NELL2: variants seen among roughly 807,000 people sequenced by gnomAD.
NELL2 encodes the protein protein kinase C-binding protein NELL2.
Under a neutral mutation model 109.6 loss-of-function variants are expected in NELL2, and 41 were observed. The ratio of observed to expected loss-of-function variants is 0.37; its 90% CI spans 0.29 to 0.49. The LOEUF is 0.49. Ranked by LOEUF, NELL2 falls within the 20% of genes least tolerant of loss-of-function variation. The pLI is 0.98. For missense variants in NELL2, 900 were observed against 1,008.3 expected (o/e 0.89, Z 1.45); for synonymous variants, 355 against 344.7 (o/e 1.03, Z -0.33).
intron 16 of NELL2, among the ~76,000 whole-genome samples, chr12:44,524,239 C>A (rs1031537453): frequency 6.6e-6 from 1 of 152,156 alleles, no homozygotes; most frequent in Non-Finnish European, 1.5e-5. Flanking sequence ...CAGCCTAAAG[C>A]GTTTTCATAC....
chr12:44,660,284 G>C (rs542389167), intron 13 of NELL2, among the ~76,000 whole-genome samples: 13 of 152,272 alleles, frequency 8.5e-5, no homozygotes, highest in South Asian at 4.1e-4. Context: ...TGGGACTATT[G>C]ACATTTTGGG....
chr12:44,587,271 CA>C lies in NELL2; in HGVS notation c.1663+19897del, dbSNP rs1194091069. On this transcript the variant is annotated intron_variant, in intron 15 of 19. Transcript: ENST00000429094. The stretch of plus-strand genomic sequence containing the variant: ...TGGGCGACAAAGCAAGACTCCGTCT[CA>C]AAAAAAAAAAAAATATATATATATA... 7.9e-3 allele frequency among the ~76,000 whole-genome samples: 223 copies of C among 28,116 alleles called. 5 individuals are homozygous for C. Among genetic ancestry groups the C allele is most frequent in the South Asian group, 0.012 (4 of 322 alleles). 18.4% of individuals were successfully genotyped at this position (28,116 alleles called of 152,430 possible). A position where few individuals can be genotyped will look rare whatever the true frequency, so the allele number is the denominator to read the frequency against.
intron 16 of NELL2, among the ~76,000 whole-genome samples, chr12:44,528,969 A>G (rs918768928): frequency 2.0e-5 from 3 of 152,208 alleles, no homozygotes; most frequent in Non-Finnish European, 2.9e-5. Context: ...ATATCATGTG[A>G]GCCCTTGTCA....
chr12:44,860,306 A>C (rs1279190008), intron 2 of NELL2, among the ~76,000 whole-genome samples: 1 of 152,254 alleles, frequency 6.6e-6, no homozygotes, highest in African/African-American at 2.4e-5. Flanking sequence ...AAGAAAGTTT[A>C]ATTTGGTTAT....
chr12:44,678,902 T>A (rs2136364889), intron 12 of NELL2, among the ~76,000 whole-genome samples: 1 of 152,092 alleles, frequency 6.6e-6, no homozygotes, highest in Middle Eastern at 3.4e-3. Context: ...AAGGAGAAAG[T>A]CTGAGATGAA....
intron 13 of NELL2, among the ~76,000 whole-genome samples, chr12:44,646,282 G>A (rs192220213): frequency 8.7e-4 from 132 of 152,144 alleles, no homozygotes; most frequent in Admixed American, 6.7e-3. Flanking sequence ...CTTCCAAAAG[G>A]TCACACAGTT....
chr12:44,868,797 T>A (rs750032583), intron 2 of NELL2, among the ~76,000 whole-genome samples: 2 of 152,108 alleles, frequency 1.3e-5, no homozygotes, highest in Non-Finnish European at 2.9e-5. Flanking sequence ...GATGGCACAA[T>A]ATGTTCAAGA....
intron 12 of NELL2, among the ~76,000 whole-genome samples, chr12:44,677,623 T>G (rs1948361640): frequency 6.6e-6 from 1 of 152,076 alleles, no homozygotes. Context: ...AGAGTAAAAC[T>G]GGAAGCTAGG....
intron 3 of NELL2, among the ~76,000 whole-genome samples, chr12:44,791,984 T>C (rs187581167): frequency 1.3e-4 from 20 of 151,096 alleles, no homozygotes; most frequent in East Asian, 1.9e-4. Context: ...CTTTGACATT[T>C]TGAGGCACAG....
At chr12:44,807,335 AC>A (rs2136666072) in intron 3 of NELL2, among the ~76,000 whole-genome samples, 1 of 136,106 alleles carries the variant, frequency 7.3e-6, no homozygotes, top group African/African-American at 3.4e-5. Context: ...CTCTTTACAC[AC>A]ACACACACAC....
At chr12:44,690,492 A>G (rs1228169033) in intron 12 of NELL2, among the ~76,000 whole-genome samples, 1 of 151,938 alleles carries the variant, frequency 6.6e-6, no homozygotes, top group African/African-American at 2.4e-5. Flanking sequence ...ATGGTGGCCC[A>G]TGTTGCTGGT....
intron 9 of NELL2, among the ~76,000 whole-genome samples, chr12:44,741,306 T>C (rs1034763252): frequency 1.2e-4 from 19 of 152,144 alleles, no homozygotes; most frequent in African/African-American, 4.6e-4. Flanking sequence ...ATCATAACAA[T>C]ACAGTATATA....
At chr12:44,526,234 G>T (rs1020850134) in intron 16 of NELL2, among the ~76,000 whole-genome samples, 1 of 152,154 alleles carries the variant, frequency 6.6e-6, no homozygotes, top group Non-Finnish European at 1.5e-5. Flanking sequence ...AGAATTTGGA[G>T]CCAGGAGACC....
intron 15 of NELL2, among the ~76,000 whole-genome samples, chr12:44,552,151 A>G (rs12304543): frequency 0.041 from 6,223 of 152,246 alleles, 442 homozygotes; most frequent in African/African-American, 0.14. Context: ...CTTAATTAGA[A>G]TATTTAGGTA....
chr12:44,704,677 T>C (rs531540060), intron 11 of NELL2, among the ~76,000 whole-genome samples: 13 of 152,164 alleles, frequency 8.5e-5, no homozygotes, highest in Non-Finnish European at 1.8e-4. Context: ...ATGTATGCTA[T>C]CTATCTAGGT....
rs545995057 is a variant in NELL2 at position 44,867,343 on chromosome 12, T to C, written c.184+7882A>G. 5.3e-5 allele frequency among the ~76,000 whole-genome samples: 8 copies of C among 152,266 alleles called. No individual in the cohort carries two copies. In the South Asian group the frequency reaches 1.7e-3, roughly 32 times the overall value. On this transcript the variant is annotated intron_variant, in intron 2 of 19. Coordinates refer to ENST00000429094, the MANE Select transcript of NELL2 (RefSeq NM_001145108.2). ...GGCTCAACATACACAAATCTATAAA[T>C]GTGATACATCAAATTAACAGAATAA...
chr12:44,920,986 A>G (rs1270119961), intron 1 of NELL2, among the ~76,000 whole-genome samples: 1 of 152,172 alleles, frequency 6.6e-6, no homozygotes, highest in East Asian at 1.9e-4. Context: ...TGTTCTTAAG[A>G]GAGTAACACT....
At chr12:44,660,351 A>C (rs1947695086) in intron 13 of NELL2, among the ~76,000 whole-genome samples, 1 of 152,178 alleles carries the variant, frequency 6.6e-6, no homozygotes, top group Non-Finnish European at 1.5e-5. Context: ...ATATCTTGTA[A>C]AGGATGAAGA....
intron 3 of NELL2, among the ~76,000 whole-genome samples, chr12:44,800,092 C>A (rs144141542): frequency 6.6e-6 from 1 of 151,930 alleles, no homozygotes; most frequent in Non-Finnish European, 1.5e-5. Context: ...AGGAATAACA[C>A]GCTTATTGAG....
Sources: gnomAD v4.1 joint callset for allele counts (sites outside exome capture counted in the v4.1 genomes callset) on GRCh38, gnomAD v4.1.1 for gene constraint, MANE v1.5 for transcripts, NCBI Gene and HGNC (gene_info 2026-07-23, HGNC 2026-07-21) for gene names.